The following PNRC2 variants were observed in gnomAD, a reference collection of about 807,000 sequenced individuals.
PNRC2 encodes proline-rich nuclear receptor coactivator 2.
PNRC2 carries 2 observed loss-of-function variants against 12.2 expected under a neutral mutation model. That is an observed-to-expected ratio of 0.16 (90% CI 0.07 to 0.52). The LOEUF (loss-of-function observed/expected upper bound fraction) is 0.52, where lower values mean the gene tolerates loss of function less well. Ranked by LOEUF, PNRC2 falls within the 20% of genes least tolerant of loss-of-function variation. The pLI is 0.95. For missense variants in PNRC2, 115 were observed against 158.4 expected, an observed-to-expected ratio of 0.73 and a Z score of 1.47; for synonymous variants, 44 against 53.9, an observed-to-expected ratio of 0.82 and a Z score of 0.80.
chr1:23,960,889 A>G (rs1422656055), intron 1 of PNRC2, 40 bp from the exon 2 acceptor site: 1 of 398,080 alleles, frequency 2.5e-6, no homozygotes, highest in Non-Finnish European at 4.4e-6. Context: ...CACTTTCTCA[A>G]CGTGTTTTTG....
At position 23,962,821 on chromosome 1, in the gene PNRC2, A is replaced by C. The variant is rs1221427768; in HGVS notation, c.*944A>C. 2 of 166,854 alleles carry C rather than the reference A, an allele frequency of 1.2e-5. No individual in the cohort carries two copies. The highest frequency in any genetic ancestry group is 2.9e-5 in the Non-Finnish European group (2 of 68,036). 10.3% of individuals were successfully genotyped at this position (166,854 alleles called of 1,614,324 possible). A position where few individuals can be genotyped will look rare whatever the true frequency, so the allele number is the denominator to read the frequency against. On this transcript the variant is annotated 3_prime_UTR_variant, in exon 3 of 3. Coordinates refer to ENST00000334351, the MANE Select transcript of PNRC2 (RefSeq NM_017761.4). ...GTTTTTAAAGTTTGCCCTTGTGCTA[A>C]AGTGCCAGTGTATGTATGTTATACT... is the stretch of plus-strand genomic sequence containing the variant.
At position 23,962,630 on chromosome 1, in the gene PNRC2, AGG is replaced by A. The variant is rs1166430108; in HGVS notation, c.*756_*757del. ...GATAATGTGAAAATTTTAAGTACCT[AGG>A]GGAGAAAGAGCCATGTAAATATCTG... On this transcript the variant is annotated 3_prime_UTR_variant, in exon 3 of 3. Transcript: ENST00000334351. 3 of 167,088 alleles carry A rather than the reference AGG, an allele frequency of 1.8e-5. No homozygotes were observed. Among genetic ancestry groups the A allele is most frequent in the Middle Eastern group, 3.1e-3 (1 of 318 alleles). 10.4% of individuals were successfully genotyped at this position (167,088 alleles called of 1,614,324 possible).
At position 23,962,357 on chromosome 1, in the gene PNRC2, T is replaced by A. The variant is rs1641297238; in HGVS notation, c.*480T>A. The A allele has an allele frequency of 5.9e-6, 1 of 169,978 alleles. No homozygotes were observed. The highest frequency in any genetic ancestry group is 1.4e-5 in the Non-Finnish European group (1 of 70,050). The allele number at this position is 169,978 out of a possible 1,614,324, so 10.5% of individuals were successfully genotyped here. Reference sequence around the variant, plus strand: ...TCGTAATAATTGCATTTTAGTGAATTGTACAGTGGGTGGAAAGGGCATTTG... The same window carrying A: ...TCGTAATAATTGCATTTTAGTGAATAGTACAGTGGGTGGAAAGGGCATTTG... On this transcript the variant is annotated 3_prime_UTR_variant, in exon 3 of 3. Coordinates refer to ENST00000334351, the MANE Select transcript of PNRC2 (RefSeq NM_017761.4).
Position 23,963,291 on chromosome 1 carries a change from G to GTAAGCAGA in PNRC2, c.*1416_*1423dup, listed in dbSNP as rs954375264. 2 of 166,934 alleles carry GTAAGCAGA rather than the reference G, an allele frequency of 1.2e-5. No individual in the cohort carries two copies. Among genetic ancestry groups the GTAAGCAGA allele is most frequent in the Non-Finnish European group, 2.9e-5 (2 of 68,036 alleles). 10.3% of individuals were successfully genotyped at this position (166,934 alleles called of 1,614,324 possible). A position where few individuals can be genotyped will look rare whatever the true frequency, so the allele number is the denominator to read the frequency against. Reference sequence around the variant, plus strand: ...TTGGCACCTCTTGATGCCTAAGCAGGTAAGCAGATGCCTAAGCTGTATTTC... The same window carrying GTAAGCAGA: ...TTGGCACCTCTTGATGCCTAAGCAGGTAAGCAGATAAGCAGATGCCTAAGCTGTATTTC... On this transcript the variant is annotated 3_prime_UTR_variant, in exon 3 of 3. Coordinates refer to ENST00000334351, the MANE Select transcript of PNRC2 (RefSeq NM_017761.4).
rs1478301722 is a variant in PNRC2 at position 23,962,928 on chromosome 1, A to AT, written c.*1056dup. The AT allele has an allele frequency of 6.0e-6, 1 of 167,054 alleles. No individual in the cohort carries two copies. The highest frequency in any genetic ancestry group is 1.9e-4 in the East Asian group (1 of 5,184). The allele number at this position is 167,054 out of a possible 1,614,324, so 10.3% of individuals were successfully genotyped here. A position where few individuals can be genotyped will look rare whatever the true frequency, so the allele number is the denominator to read the frequency against. ...TAAAAAGGTTTAAGCTGCTAAAACT[A>AT]TTTTTAAGAGATGTGAAATGCAGTA... is the stretch of plus-strand genomic sequence containing the variant. On this transcript the variant is annotated 3_prime_UTR_variant, in exon 3 of 3. Transcript: ENST00000334351.
chr1:23,962,616 A>G lies in PNRC2; in HGVS notation c.*739A>G, dbSNP rs2148488282. 1.2e-5 allele frequency: 2 copies of G among 167,202 alleles called. No homozygotes were observed. The highest frequency in any genetic ancestry group is 6.8e-3 in the Middle Eastern group (2 of 296). The allele number at this position is 167,202 out of a possible 1,614,324, so 10.4% of individuals were successfully genotyped here. A position where few individuals can be genotyped will look rare whatever the true frequency, so the allele number is the denominator to read the frequency against. On this transcript the variant is annotated 3_prime_UTR_variant, in exon 3 of 3. Transcript: ENST00000334351. ...GCTTTGGGGAGTTGGATAATGTGAAAATTTTAAGTACCTAGGGGAGAAAGA... is the reference window on the plus strand; with the variant it reads ...GCTTTGGGGAGTTGGATAATGTGAAGATTTTAAGTACCTAGGGGAGAAAGA...
At position 23,962,514 on chromosome 1, in the gene PNRC2, T is replaced by G. The variant is rs1371744480; in HGVS notation, c.*637T>G. 6.0e-6 allele frequency: 1 copy of G among 167,002 alleles called. No individual in the cohort carries two copies. The highest frequency in any genetic ancestry group is 2.4e-5 in the African/African-American group (1 of 41,410). The allele number at this position is 167,002 out of a possible 1,614,324, so 10.3% of individuals were successfully genotyped here. ...GTATTTAATGGTCACTCAATAGCTT[T>G]CAAAATACATTTTTGTATTACAGCA... is the stretch of plus-strand genomic sequence containing the variant. On this transcript the variant is annotated 3_prime_UTR_variant, in exon 3 of 3. Coordinates refer to ENST00000334351, the MANE Select transcript of PNRC2 (RefSeq NM_017761.4).
intron 2 of PNRC2, 115 bp from the exon 3 acceptor site, chr1:23,961,325 A>G (rs200999532): frequency 4.7e-6 from 1 of 212,340 alleles, no homozygotes; most frequent in Non-Finnish European, 7.2e-6. Context: ...ATAGCCTGTT[A>G]TTGAGTCTTG....
rs1641279176 is a variant in PNRC2 at position 23,961,688 on chromosome 1, C to T, written c.231C>T (p.Ser77=). 1.2e-6 allele frequency: 2 copies of T among 1,613,894 alleles called. No individual in the cohort carries two copies. Among genetic ancestry groups the T allele is most frequent in the African/African-American group, 1.3e-5 (1 of 74,938 alleles). ...NFPNNQSWNS[S]LSGPRLLFKS... ...CAAATAATCAAAGTTGGAATTCTAGCTTATCAGGTCCCAGGTTACTTTTTA... is the reference window on the plus strand; with the variant it reads ...CAAATAATCAAAGTTGGAATTCTAGTTTATCAGGTCCCAGGTTACTTTTTA... Residue 77 remains serine (S), a synonymous_variant, in exon 3 of 3, where the codon AGC becomes AGT. Transcript: ENST00000334351.
chr1:23,963,043 C>G lies in PNRC2; in HGVS notation c.*1166C>G, dbSNP rs964975131. On this transcript the variant is annotated 3_prime_UTR_variant, in exon 3 of 3. Coordinates refer to ENST00000334351, the MANE Select transcript of PNRC2 (RefSeq NM_017761.4). ...TTGTTGGCTTTCACAATCTTATAAC[C>G]TAGGATACAGGTAGTTTCGAGTATG... 1.8e-5 allele frequency: 3 copies of G among 166,938 alleles called. No individual in the cohort carries two copies. The highest frequency in any genetic ancestry group is 7.2e-5 in the African/African-American group (3 of 41,426). 10.3% of individuals were successfully genotyped at this position (166,938 alleles called of 1,614,324 possible). A position where few individuals can be genotyped will look rare whatever the true frequency, so the allele number is the denominator to read the frequency against.
chr1:23,960,456 G>A (rs1641255937), intron 1 of PNRC2, among the ~76,000 whole-genome samples: 1 of 152,310 alleles, frequency 6.6e-6, no homozygotes, highest in African/African-American at 2.4e-5. Flanking sequence ...GGGAGGAGGC[G>A]AGAGCGTTCA....
Position 23,961,895 on chromosome 1 carries a change from A to C in PNRC2, c.*18A>C. ...AGGTATAAAATAAGACAAATGTTTAAATTTAGTTATGTTCACGGATAGTTG... is the reference window on the plus strand; with the variant it reads ...AGGTATAAAATAAGACAAATGTTTACATTTAGTTATGTTCACGGATAGTTG... On this transcript the variant is annotated 3_prime_UTR_variant, in exon 3 of 3. Coordinates refer to ENST00000334351, the MANE Select transcript of PNRC2 (RefSeq NM_017761.4). 9 of 1,475,532 alleles carry C rather than the reference A, an allele frequency of 6.1e-6. 1 individual carries two copies. The South Asian group carries it at 9.8e-5, about 16-fold the overall frequency. The allele number at this position is 1,475,532 out of a possible 1,614,324, so 91.4% of individuals were successfully genotyped here.
In PNRC2 at chr1:23,961,633, T is replaced by C. The variant is rs2148487823; in HGVS notation, c.176T>C (p.Met59Thr). 3 of 1,613,954 alleles carry C rather than the reference T, an allele frequency of 1.9e-6. No individual in the cohort carries two copies. Among genetic ancestry groups the C allele is most frequent in the East Asian group, 2.2e-5 (1 of 44,886 alleles). The change falls in exon 3 of 3, where the codon ATG (methionine) becomes ACG (threonine). Residue 59 changes from methionine (M) to threonine (T), a missense_variant. Met to Thr is a moderately conservative substitution (Grantham distance 81). This residue lies in a region of PNRC2 where 98 missense variants were observed against 112.4 expected (regional missense o/e 0.87). Transcript: ENST00000334351. The stretch of plus-strand genomic sequence containing the variant: ...TCATCAGCAGCTGCCTGGCAGGCCA[T>C]GCAAAATGGGGGGAAGAACAAAAAT... ...YNSSAAAWQAMQNGGKNKNFP... is the reference protein window; with the variant it reads ...YNSSAAAWQATQNGGKNKNFP...
upstream of PNRC2, chr1:23,959,662 G>C (rs772921244): frequency 1.5e-3 from 228 of 152,700 alleles, no homozygotes; most frequent in Non-Finnish European, 2.8e-3. Flanking sequence ...CCTCCTCCCC[G>C]GGCAGATTTC....
Position 23,961,106 on chromosome 1 carries a change from A to C in PNRC2, c.-47A>C, listed in dbSNP as rs1641268041. Reference sequence around the variant, plus strand: ...GCAAGGAAGAGGACAGGTAGTGGAGATCCTGCAATCTGAAAAGCAGACTGA... The same window carrying C: ...GCAAGGAAGAGGACAGGTAGTGGAGCTCCTGCAATCTGAAAAGCAGACTGA... On this transcript the variant is annotated 5_prime_UTR_variant, in exon 2 of 3. Transcript: ENST00000334351. The C allele has an allele frequency of 2.4e-6, 1 of 415,504 alleles. No homozygotes were observed. The highest frequency in any genetic ancestry group is 4.3e-6 in the Non-Finnish European group (1 of 234,926). The allele number at this position is 415,504 out of a possible 1,614,324, so 25.7% of individuals were successfully genotyped here.
chr1:23,960,305 T>C (rs1180708121), intron 1 of PNRC2, among the ~76,000 whole-genome samples: 2 of 152,260 alleles, frequency 1.3e-5, no homozygotes, highest in African/African-American at 4.8e-5. Flanking sequence ...GGAGGGGGCT[T>C]AACTATTTGG....
chr1:23,961,444 CAAAG>C lies in PNRC2; in HGVS notation c.-11_-8del, dbSNP rs1291947160. 29 of 1,568,648 alleles carry C rather than the reference CAAAG, an allele frequency of 1.8e-5. No individual in the cohort carries two copies. Among genetic ancestry groups the C allele is most frequent in the South Asian group, 2.4e-5 (2 of 83,698 alleles). ...TTTGTTTCCATTCACTTGTAGGTGA[CAAAG>C]AAGCTGAAGATGGGTGGTGGAGAGA... On this transcript the variant is annotated 5_prime_UTR_variant, in exon 3 of 3. Coordinates refer to ENST00000334351, the MANE Select transcript of PNRC2 (RefSeq NM_017761.4).
chr1:23,961,507 T>G lies in PNRC2; in HGVS notation c.50T>G (p.Val17Gly), dbSNP rs1641276119. Reference sequence around the variant, plus strand: ...ATTCCAGCCCCTCAATCTAGAAATGTTAGTAAGAACCAACAACAGCTTAAC... The same window carrying G: ...ATTCCAGCCCCTCAATCTAGAAATGGTAGTAAGAACCAACAACAGCTTAAC... The part of the protein sequence containing the change: ...YNIPAPQSRN[V>G]SKNQQQLNRQ... Residue 17 changes from valine to glycine, a missense_variant, in exon 3 of 3, where the codon GTT becomes GGT. Coordinates refer to ENST00000334351, the MANE Select transcript of PNRC2 (RefSeq NM_017761.4). 6.2e-7 allele frequency: 1 copy of G among 1,612,578 alleles called. No individual in the cohort carries two copies. Among genetic ancestry groups the G allele is most frequent in the Non-Finnish European group, 8.5e-7 (1 of 1,179,388 alleles).
intron 1 of PNRC2, 62 bp downstream of exon 1, chr1:23,960,060 G>A (rs1308673993): frequency 6.6e-6 from 1 of 152,276 alleles, no homozygotes; most frequent in Non-Finnish European, 1.5e-5. Flanking sequence ...ATTGTTGGAG[G>A]AAGGAGGCGA....
Sources: gnomAD v4.1 joint callset for allele counts (sites outside exome capture counted in the v4.1 genomes callset) on GRCh38, gnomAD v4.1.1 for gene constraint, gnomAD v4.1.1 regional missense constraint, MANE v1.5 for transcripts, NCBI Gene and HGNC (gene_info 2026-07-23, HGNC 2026-07-21) for gene names.